The following PPP1R12B variants were observed in gnomAD, a reference collection of about 807,000 sequenced individuals.
PPP1R12B encodes protein phosphatase 1 regulatory subunit 12B.
PPP1R12B carries 76 observed loss-of-function variants against 126.1 expected under a neutral mutation model. That is an observed-to-expected ratio of 0.60 (90% CI 0.50 to 0.73). The LOEUF (loss-of-function observed/expected upper bound fraction) is 0.73. Ranked by LOEUF, PPP1R12B falls within the 30% of genes least tolerant of loss-of-function variation. The pLI is 0.00. For synonymous variants in PPP1R12B, 356 were observed against 434.7 expected, an observed-to-expected ratio of 0.82 and a Z score of 2.25; for missense variants, 1,052 against 1,205.1, an observed-to-expected ratio of 0.87 and a Z score of 1.88.
chr1:202,438,838 C>T, intron 10 of PPP1R12B: 1 of 995,228 alleles, frequency 1.0e-6, no homozygotes. Flanking sequence ...GGGGAGACGG[C>T]CATGGTCACT....
At chr1:202,377,832 GT>G (rs74860606) in intron 1 of PPP1R12B, among the ~76,000 whole-genome samples, 6 of 97,304 alleles carry the variant, frequency 6.2e-5, no homozygotes, top group African/African-American at 9.9e-5. Flanking sequence ...AAAGACAGGT[GT>G]TTTTTTTTTT....
At chr1:202,445,275 G>A (rs1672092953) in intron 12 of PPP1R12B, 1 of 1,210,662 alleles carries the variant, frequency 8.3e-7, no homozygotes, top group African/African-American at 1.6e-5. Context: ...AAAGTTAATG[G>A]CTCTGAAAAC....
intron 18 of PPP1R12B, among the ~76,000 whole-genome samples, chr1:202,547,540 G>A (rs569401237): frequency 3.9e-4 from 60 of 152,252 alleles, no homozygotes; most frequent in African/African-American, 1.4e-3. Flanking sequence ...TTTTCATATA[G>A]GAGTTGTACA....
chr1:202,571,210 G>A (rs914343218), intron 23 of PPP1R12B, among the ~76,000 whole-genome samples: 2 of 152,186 alleles, frequency 1.3e-5, no homozygotes, highest in Non-Finnish European at 2.9e-5. Flanking sequence ...TCTGTAGGTT[G>A]AGATAGGCTT....
rs746092183 is a variant in PPP1R12B, at chr1:202,493,196, G to T, written c.2024G>T (p.Arg675Leu). ...RAERQAQEQP[R>L]EKPTDTEGLE... ...GAGAGGCAAGCTCAGGAGCAGCCTC[G>T]TGAGAAGCCCACAGACACTGAAGGG... is the stretch of plus-strand genomic sequence containing the variant. Residue 675 changes from arginine (R) to leucine (L), a missense_variant, in exon 15 of 24, where the codon CGT becomes CTT. Transcript: ENST00000608999. 3.7e-6 allele frequency: 6 copies of T among 1,612,704 alleles called. No individual in the cohort carries two copies. In the South Asian group the frequency reaches 5.5e-5, roughly 15 times the overall value.
rs774972836 is a variant in PPP1R12B, at chr1:202,533,464, T to C, written c.2491-25413T>C. Among the ~76,000 whole-genome samples, 8 of 151,936 alleles carry C rather than the reference T, an allele frequency of 5.3e-5. 1 individual carries two copies. Among genetic ancestry groups the C allele is most frequent in the Non-Finnish European group, 1.2e-4 (8 of 67,936 alleles). ...ACCACCATGCCTTGCTAATTTTGGG[T>C]TTTTTTGTTTTGTTTTGTTTTGTTT... is the stretch of plus-strand genomic sequence containing the variant. On this transcript the variant is annotated intron_variant, in intron 18 of 23. Coordinates refer to ENST00000608999, the MANE Select transcript of PPP1R12B (RefSeq NM_002481.4).
chr1:202,570,863 T>C (rs1245988531), intron 23 of PPP1R12B, among the ~76,000 whole-genome samples: 1 of 152,236 alleles, frequency 6.6e-6, no homozygotes, highest in East Asian at 1.9e-4. Flanking sequence ...CACAGCTCCT[T>C]GTTGCATGGA....
rs146754410 is a variant in PPP1R12B, at chr1:202,456,264, G to A, written c.1850+7093G>A. Reference sequence around the variant, plus strand: ...AGCCTGGGCGACAGAGCAAGAATCCGTCTCAAAAAAAAAAAAGAAAGAAAG... The same window carrying A: ...AGCCTGGGCGACAGAGCAAGAATCCATCTCAAAAAAAAAAAAGAAAGAAAG... On this transcript the variant is annotated intron_variant, in intron 13 of 23. Transcript: ENST00000608999. Among the ~76,000 whole-genome samples the A allele has an allele frequency of 8.2e-4, 122 of 149,026 alleles. No individual in the cohort carries two copies. The East Asian group carries it at 0.023, about 28-fold the overall frequency.
chr1:202,547,823 T>G (rs369953077), intron 18 of PPP1R12B, among the ~76,000 whole-genome samples: 11 of 152,278 alleles, frequency 7.2e-5, no homozygotes, highest in African/African-American at 2.4e-4. Flanking sequence ...ACCCTTTACT[T>G]GAGTGCTGAG....
chr1:202,451,801 G>A (rs1180132894), intron 13 of PPP1R12B, among the ~76,000 whole-genome samples: 2 of 150,244 alleles, frequency 1.3e-5, no homozygotes, highest in Admixed American at 1.3e-4. Context: ...GGTGGGGGCT[G>A]ACCCCCCACC....
At chr1:202,418,829 G>A (rs1668421724) in intron 2 of PPP1R12B, among the ~76,000 whole-genome samples, 1 of 151,822 alleles carries the variant, frequency 6.6e-6, no homozygotes, top group African/African-American at 2.4e-5. Flanking sequence ...AAAAAACATT[G>A]TTTGTACTGT....
intron 1 of PPP1R12B, among the ~76,000 whole-genome samples, chr1:202,388,471 G>T (rs935799104): frequency 2.6e-5 from 4 of 152,188 alleles, no homozygotes; most frequent in Non-Finnish European, 5.9e-5. Flanking sequence ...CTCCCAAAGT[G>T]CTGGGATTAC....
chr1:202,348,785 C>A lies in PPP1R12B; in HGVS notation c.-67C>A, dbSNP rs2148350554. The A allele has an allele frequency of 5.9e-6, 9 of 1,513,788 alleles. 1 individual carries two copies. The South Asian group carries it at 1.2e-4, about 20-fold the overall frequency. The allele number at this position is 1,513,788 out of a possible 1,614,324, so 93.8% of individuals were successfully genotyped here. A position where few individuals can be genotyped will look rare whatever the true frequency, so the allele number is the denominator to read the frequency against. ...TGAAGCGCTCTGAGAGAGGCGGCAG[C>A]GGCAACTCGAGCCCCAACAGTAATT... On this transcript the variant is annotated 5_prime_UTR_variant, in exon 1 of 24. Coordinates refer to ENST00000608999, the MANE Select transcript of PPP1R12B (RefSeq NM_002481.4).
chr1:202,404,485 A>T (rs1017914634), intron 1 of PPP1R12B, among the ~76,000 whole-genome samples: 5 of 151,460 alleles, frequency 3.3e-5, no homozygotes, highest in Non-Finnish European at 7.4e-5. Context: ...ATAATTTTTT[A>T]TTTTTATTTT....
At chr1:202,566,453 T>C (rs1016793125) in intron 21 of PPP1R12B, among the ~76,000 whole-genome samples, 2 of 152,224 alleles carry the variant, frequency 1.3e-5, no homozygotes, top group African/African-American at 2.4e-5. Flanking sequence ...CACATTTGTA[T>C]GGAGACAGTT....
intron 18 of PPP1R12B, among the ~76,000 whole-genome samples, chr1:202,528,705 A>G (rs1183358083): frequency 6.6e-6 from 1 of 151,816 alleles, no homozygotes; most frequent in African/African-American, 2.4e-5. Context: ...TTTCTGAGTT[A>G]TTATGTAGGG....
chr1:202,465,680 G>A (rs897771886), intron 13 of PPP1R12B, among the ~76,000 whole-genome samples: 6 of 152,132 alleles, frequency 3.9e-5, no homozygotes, highest in African/African-American at 1.4e-4. Flanking sequence ...CTGAAGGCTT[G>A]TTTCTGATTC....
intron 18 of PPP1R12B, chr1:202,502,137 G>A (rs963809843): frequency 3.5e-5 from 34 of 985,398 alleles, no homozygotes; most frequent in Non-Finnish European, 4.1e-5. Flanking sequence ...CTCAAAGTTA[G>A]CAATGTAGCT....
At chr1:202,577,450 G>C (rs1402875971) in intron 23 of PPP1R12B, among the ~76,000 whole-genome samples, 1 of 152,176 alleles carries the variant, frequency 6.6e-6, no homozygotes, top group Non-Finnish European at 1.5e-5. Flanking sequence ...TGTTTGACCT[G>C]CAAACCCTAA....
Sources: allele counts gnomAD v4.1 joint callset (sites outside exome capture counted in the v4.1 genomes callset), GRCh38; gene constraint gnomAD v4.1.1; transcripts MANE v1.5; gene names NCBI Gene and HGNC (gene_info 2026-07-23, HGNC 2026-07-21).